The following RBFOX1 variants were observed in gnomAD, a reference collection of about 807,000 sequenced individuals.
RBFOX1 encodes RNA binding fox-1 homolog 1.
In RBFOX1, 8 loss-of-function variants were observed where a neutral mutation model predicts 57.7. The ratio of observed to expected loss-of-function variants is 0.14; its 90% confidence interval spans 0.08 to 0.25. The LOEUF (loss-of-function observed/expected upper bound fraction) is 0.25. Among genes scored for constraint, RBFOX1 ranks in the 10% least tolerant of loss-of-function variants. The pLI, the probability that RBFOX1 is intolerant of heterozygous loss-of-function variation, is 1.00. For missense variants in RBFOX1, 611 were observed against 548.5 expected (o/e 1.11, Z -1.14); for synonymous variants, 326 against 222.4 (o/e 1.47, Z -4.15).
intron 1 of RBFOX1, among the ~76,000 whole-genome samples, chr16:6,081,224 C>G (rs902200360): frequency 2.0e-5 from 3 of 152,160 alleles, no homozygotes; most frequent in African/African-American, 7.2e-5. Flanking sequence ...GAGAGTTTAA[C>G]AAGGTGTGTT....
At chr16:5,854,083 G>T (rs1040182188) in intron 3 of RBFOX1, among the ~76,000 whole-genome samples, 4 of 152,128 alleles carry the variant, frequency 2.6e-5, no homozygotes, top group Non-Finnish European at 2.9e-5. Context: ...ATTCTTTAAG[G>T]TTAACAGTAT....
At chr16:5,301,399 C>T (rs2063799151) in intron 1 of RBFOX1, among the ~76,000 whole-genome samples, 1 of 152,006 alleles carries the variant, frequency 6.6e-6, no homozygotes, top group Non-Finnish European at 1.5e-5. Context: ...ACGGGAGATT[C>T]ATGAGGTCAG....
intron 4 of RBFOX1, among the ~76,000 whole-genome samples, chr16:7,493,031 A>T (rs1324155380): frequency 6.6e-6 from 1 of 152,130 alleles, no homozygotes; most frequent in Non-Finnish European, 1.5e-5. Context: ...GGTGCCTGCC[A>T]CCACACCCGG....
At position 6,551,986 on chromosome 16, in the gene RBFOX1, T is replaced by G. The variant is rs55772243; in HGVS notation, c.-63-102617T>G. 9.5e-3 allele frequency among the ~76,000 whole-genome samples: 1,446 copies of G among 152,280 alleles called. 26 individuals are homozygous for G. The highest frequency in any genetic ancestry group is 0.032 in the African/African-American group (1,347 of 41,544). On this transcript the variant is annotated intron_variant, in intron 2 of 15. Transcript: ENST00000550418. ...CCTCTCATCTTCTAGTCATATCCCATTACCAGTCAATTCAGAACATCTATT... is the reference window on the plus strand; with the variant it reads ...CCTCTCATCTTCTAGTCATATCCCAGTACCAGTCAATTCAGAACATCTATT...
intron 2 of RBFOX1, among the ~76,000 whole-genome samples, chr16:6,553,502 C>T (rs1468667061): frequency 2.6e-5 from 4 of 152,114 alleles, no homozygotes; most frequent in Admixed American, 6.5e-5. Context: ...TACACCAATC[C>T]ACACAAGTAC....
chr16:6,113,351 A>G (rs868051165), intron 1 of RBFOX1, among the ~76,000 whole-genome samples: 1 of 152,214 alleles, frequency 6.6e-6, no homozygotes, highest in Non-Finnish European at 1.5e-5. Context: ...TTAAGCATCA[A>G]CATAGCCACC....
intron 4 of RBFOX1, among the ~76,000 whole-genome samples, chr16:7,488,315 T>C (rs975941412): frequency 6.6e-6 from 1 of 152,198 alleles, no homozygotes; most frequent in Non-Finnish European, 1.5e-5. Flanking sequence ...TTTTCTCCTT[T>C]TCTTTTTCTC....
intron 4 of RBFOX1, among the ~76,000 whole-genome samples, chr16:7,439,062 G>A (rs996707377): frequency 2.6e-5 from 4 of 151,878 alleles, no homozygotes; most frequent in African/African-American, 9.7e-5. Flanking sequence ...TTGAGCCAAC[G>A]CAGAGTCTCT....
chr16:7,144,726 C>T (rs75342765), intron 4 of RBFOX1, among the ~76,000 whole-genome samples: 1 of 152,096 alleles, frequency 6.6e-6, no homozygotes, highest in Non-Finnish European at 1.5e-5. Context: ...TAGTCTCCCT[C>T]CCACCTACAT....
At chr16:7,025,923 C>A (rs1023387442) in intron 3 of RBFOX1, among the ~76,000 whole-genome samples, 1 of 152,018 alleles carries the variant, frequency 6.6e-6, no homozygotes, top group Non-Finnish European at 1.5e-5. Flanking sequence ...AGACCCCTCT[C>A]GGGAGCTCCC....
chr16:5,463,548 C>T (rs551900451), intron 1 of RBFOX1, among the ~76,000 whole-genome samples: 126 of 152,208 alleles, frequency 8.3e-4, no homozygotes, highest in African/African-American at 2.9e-3. Context: ...GTCTGTAATT[C>T]CAGCATTTTG....
intron 4 of RBFOX1, among the ~76,000 whole-genome samples, chr16:7,287,654 G>C: frequency 6.6e-6 from 1 of 152,036 alleles, no homozygotes; most frequent in East Asian, 1.9e-4. Flanking sequence ...TGGATTGATT[G>C]ACAATTTTGA....
intron 1 of RBFOX1, among the ~76,000 whole-genome samples, chr16:6,029,971 T>C (rs2095265384): frequency 6.6e-6 from 1 of 152,086 alleles, no homozygotes; most frequent in South Asian, 2.1e-4. Context: ...TGGAGTGCAG[T>C]GATGCAATCA....
chr16:5,949,799 C>T (rs754967238), intron 4 of RBFOX1, among the ~76,000 whole-genome samples: 17 of 152,232 alleles, frequency 1.1e-4, no homozygotes, highest in Non-Finnish European at 1.8e-4. Context: ...CATCCCAAGC[C>T]TATTGAATCA....
At chr16:7,506,856 C>T (rs978308864) in intron 4 of RBFOX1, among the ~76,000 whole-genome samples, 5 of 152,146 alleles carry the variant, frequency 3.3e-5, no homozygotes, top group Admixed American at 3.3e-4. Context: ...AGGTTAGAGT[C>T]CAACACACAT....
intron 2 of RBFOX1, among the ~76,000 whole-genome samples, chr16:6,385,851 A>G (rs756863427): frequency 6.6e-5 from 10 of 152,198 alleles, no homozygotes; most frequent in Non-Finnish European, 8.8e-5. Context: ...GTCTGGGGGA[A>G]GAGTGTGCCA....
At chr16:5,814,917 CAG>C (rs2055571196) in intron 3 of RBFOX1, among the ~76,000 whole-genome samples, 2 of 151,018 alleles carry the variant, frequency 1.3e-5, no homozygotes, top group Non-Finnish European at 1.5e-5. Flanking sequence ...GCCTGGGCGA[CAG>C]AGCGAGACTC....
intron 2 of RBFOX1, among the ~76,000 whole-genome samples, chr16:6,653,965 T>TTGGATGGATGGA (rs759444219): frequency 4.8e-5 from 6 of 125,646 alleles, no homozygotes; most frequent in African/African-American, 2.0e-4. Context: ...GGATGGATGG[T>TTGGATGGATGGA]TGGACGGATG....
At chr16:7,142,576 A>G (rs1406890765) in intron 4 of RBFOX1, among the ~76,000 whole-genome samples, 6 of 152,254 alleles carry the variant, frequency 3.9e-5, no homozygotes, top group East Asian at 3.9e-4. Flanking sequence ...CTGTGCCTCA[A>G]TATTATTTTC....
Sources: gnomAD v4.1 joint callset for allele counts (sites outside exome capture counted in the v4.1 genomes callset) on GRCh38, gnomAD v4.1.1 for gene constraint, MANE v1.5 for transcripts, NCBI Gene and HGNC (gene_info 2026-07-23, HGNC 2026-07-21) for gene names.